Variants in WWOX observed in about 807,000 individuals in gnomAD.
WWOX encodes the protein WW domain-containing oxidoreductase.
In WWOX, 69 loss-of-function variants were observed where a neutral mutation model predicts 46.2. The observed-to-expected ratio is 1.49, with a 90% CI of 1.23 to 1.82. The LOEUF (loss-of-function observed/expected upper bound fraction) is 1.82. Among genes scored for constraint, WWOX ranks in the 40% most tolerant of loss-of-function variants. The pLI, the probability that WWOX is intolerant of heterozygous loss-of-function variation, is 0.00. For missense variants in WWOX, 919 were observed against 542.6 expected, an observed-to-expected ratio of 1.69 and a Z score of -6.89; for synonymous variants, 359 against 202.6, an observed-to-expected ratio of 1.77 and a Z score of -6.56.
chr16:78,445,300 C>T (rs567921164), intron 8 of WWOX, among the ~76,000 whole-genome samples: 27 of 152,186 alleles, frequency 1.8e-4, no homozygotes, highest in East Asian at 3.9e-4. Context: ...AGAAGAAGGG[C>T]GCTCACCTCA....
chr16:78,266,538 G>C (rs1040445376), intron 5 of WWOX, among the ~76,000 whole-genome samples: 6 of 152,158 alleles, frequency 3.9e-5, no homozygotes, highest in Admixed American at 6.5e-5. Context: ...GGATAGCATA[G>C]GGTGACCATA....
At chr16:78,804,151 C>G (rs1157104429) in intron 8 of WWOX, among the ~76,000 whole-genome samples, 1 of 152,136 alleles carries the variant, frequency 6.6e-6, no homozygotes. Context: ...GTCGCTGTCA[C>G]AACTTTTTAA....
chr16:78,384,107 G>A (rs757517382), intron 5 of WWOX, among the ~76,000 whole-genome samples: 8 of 152,126 alleles, frequency 5.3e-5, no homozygotes, highest in African/African-American at 1.4e-4. Context: ...CTGTTTTATG[G>A]GGGAAATACA....
intron 5 of WWOX, among the ~76,000 whole-genome samples, chr16:78,253,110 A>G (rs181260136): frequency 1.8e-3 from 273 of 152,302 alleles, no homozygotes; most frequent in Non-Finnish European, 2.9e-3. Context: ...TGAATTTGGC[A>G]TCTACTTCCT....
At chr16:78,888,827 A>G (rs1431381739) in intron 8 of WWOX, among the ~76,000 whole-genome samples, 2 of 151,732 alleles carry the variant, frequency 1.3e-5, no homozygotes, top group Admixed American at 1.3e-4. Flanking sequence ...TTTCTTTTTA[A>G]TTCATAGTCT....
At chr16:78,706,257 A>G (rs1441836724) in intron 8 of WWOX, among the ~76,000 whole-genome samples, 8 of 152,054 alleles carry the variant, frequency 5.3e-5, no homozygotes, top group Non-Finnish European at 1.0e-4. Flanking sequence ...TTTGACCCAT[A>G]TAAACTTTGT....
rs573636312 is a variant in WWOX at position 78,124,463 on chromosome 16, A to G, written c.409+9309A>G. 2.0e-5 allele frequency: 3 copies of G among 152,320 alleles called. No homozygotes were observed. In the South Asian group the frequency reaches 6.2e-4, roughly 32 times the overall value. 9.4% of individuals were successfully genotyped at this position (152,320 alleles called of 1,614,324 possible). A position where few individuals can be genotyped will look rare whatever the true frequency, so the allele number is the denominator to read the frequency against. The stretch of plus-strand genomic sequence containing the variant: ...TTTTGTAGCCTATACATGAGTAGAT[A>G]TGAATCCTCAGCCTTCTCCAAAATA... On this transcript the variant is annotated intron_variant, in intron 4 of 8. Transcript: ENST00000566780.
At chr16:78,882,482 T>TC (rs987359085) in intron 8 of WWOX, among the ~76,000 whole-genome samples, 2 of 151,958 alleles carry the variant, frequency 1.3e-5, no homozygotes, top group East Asian at 1.9e-4. Flanking sequence ...CATCTTTTTT[T>TC]TTTTTTTTAA....
chr16:78,431,511 T>A (rs926299794), intron 7 of WWOX, among the ~76,000 whole-genome samples: 2 of 152,182 alleles, frequency 1.3e-5, no homozygotes, highest in East Asian at 1.9e-4. Flanking sequence ...GATATCTTTC[T>A]GTTTCCAAAA....
intron 5 of WWOX, among the ~76,000 whole-genome samples, chr16:78,283,569 G>C (rs1427526410): frequency 6.6e-6 from 1 of 152,022 alleles, no homozygotes; most frequent in Non-Finnish European, 1.5e-5. Context: ...ATTTGAAAAC[G>C]GATACAGTTT....
chr16:78,329,061 A>C (rs150455882), intron 5 of WWOX, among the ~76,000 whole-genome samples: 1 of 152,034 alleles, frequency 6.6e-6, no homozygotes, highest in Non-Finnish European at 1.5e-5. Context: ...AGGTTTCAGC[A>C]TGTTCGCCAG....
intron 8 of WWOX, among the ~76,000 whole-genome samples, chr16:78,637,924 C>T (rs75368857): frequency 2.0e-5 from 3 of 152,126 alleles, no homozygotes; most frequent in Non-Finnish European, 2.9e-5. Context: ...CGTCCTTCCT[C>T]TGAGTTGGGG....
chr16:78,869,193 C>T (rs116286097), intron 8 of WWOX, among the ~76,000 whole-genome samples: 285 of 152,250 alleles, frequency 1.9e-3, no homozygotes, highest in African/African-American at 6.5e-3. Flanking sequence ...TATTCATGTT[C>T]TGTGGACTCT....
rs1420402704 is a variant in WWOX, at chr16:78,800,297, G to C, written c.1056+367545G>C. 3.3e-5 allele frequency among the ~76,000 whole-genome samples: 5 copies of C among 151,772 alleles called. No homozygotes were observed. In the East Asian group the frequency reaches 9.7e-4, roughly 29 times the overall value. On this transcript the variant is annotated intron_variant, in intron 8 of 8. Coordinates refer to ENST00000566780, the MANE Select transcript of WWOX (RefSeq NM_016373.4). The stretch of plus-strand genomic sequence containing the variant: ...GCCACAGTATTTCAGACAAATGCCA[G>C]GGCCTGTTTTTCTGTAAATGTGTAC...
At chr16:78,507,226 G>C (rs1199140986) in intron 8 of WWOX, among the ~76,000 whole-genome samples, 1 of 152,174 alleles carries the variant, frequency 6.6e-6, no homozygotes, top group East Asian at 1.9e-4. Context: ...TTAAAGACAA[G>C]ATTAGCAGTA....
intron 8 of WWOX, among the ~76,000 whole-genome samples, chr16:78,986,434 G>T (rs1182147584): frequency 5.3e-5 from 8 of 152,150 alleles, no homozygotes; most frequent in Admixed American, 2.6e-4. Flanking sequence ...TTAGACTCCA[G>T]GCCCACAGTA....
chr16:79,012,763 C>A (rs569322865), intron 8 of WWOX, among the ~76,000 whole-genome samples: 2 of 152,314 alleles, frequency 1.3e-5, no homozygotes, highest in South Asian at 4.1e-4. Context: ...GCCAGCCAGC[C>A]CCTGAAACAC....
At chr16:79,141,286 C>T (rs1567577844) in intron 8 of WWOX, among the ~76,000 whole-genome samples, 1 of 152,180 alleles carries the variant, frequency 6.6e-6, no homozygotes, top group Non-Finnish European at 1.5e-5. Context: ...CCAGACCGAA[C>T]GAGTGTTCAT....
intron 8 of WWOX, among the ~76,000 whole-genome samples, chr16:79,000,652 C>G (rs370788783): frequency 6.6e-6 from 1 of 152,176 alleles, no homozygotes; most frequent in African/African-American, 2.4e-5. Context: ...CGAAGCCCTG[C>G]TGACCTTTGA....
Sources: gnomAD v4.1 joint callset for allele counts (sites outside exome capture counted in the v4.1 genomes callset) on GRCh38, gnomAD v4.1.1 for gene constraint, MANE v1.5 for transcripts, NCBI Gene and HGNC (gene_info 2026-07-23, HGNC 2026-07-21) for gene names.